The following ERICH6 variants were observed in gnomAD, a reference collection of about 807,000 sequenced individuals.
ERICH6 encodes glutamate rich 6.
ERICH6 carries 71 observed loss-of-function variants against 71.0 expected under a neutral mutation model. That is an observed-to-expected ratio of 1.00 (90% CI 0.83 to 1.22). ERICH6 has a LOEUF of 1.22. ERICH6 is among the 50% of genes most tolerant of loss of function. The pLI is 0.00. For missense variants in ERICH6, 808 were observed against 797.2 expected, an observed-to-expected ratio of 1.01 and a Z score of -0.16; for synonymous variants, 262 against 278.4, an observed-to-expected ratio of 0.94 and a Z score of 0.59.
intron 11 of ERICH6, among the ~76,000 whole-genome samples, chr3:150,671,244 T>C (rs1392950266): frequency 6.6e-6 from 1 of 152,226 alleles, no homozygotes; most frequent in Non-Finnish European, 1.5e-5. Flanking sequence ...GGCTTACTAT[T>C]GGGGTTTAAG....
At chr3:150,698,961 CAATT>C (rs1354396992) in intron 2 of ERICH6, 79 bp from the exon 3 acceptor site, 2 of 813,192 alleles carry the variant, frequency 2.5e-6, no homozygotes, top group African/African-American at 3.5e-5. Flanking sequence ...ATTTAATAAT[CAATT>C]AATTAATGCA....
chr3:150,665,497 C>A (rs1156292283), intron 13 of ERICH6, among the ~76,000 whole-genome samples: 1 of 103,852 alleles, frequency 9.6e-6, no homozygotes, highest in Middle Eastern at 0.01. Flanking sequence ...AGCCTGGCGA[C>A]GGAGAGAGAC....
chr3:150,661,069 C>T (rs1041800426), intron 13 of ERICH6, among the ~76,000 whole-genome samples: 1 of 152,136 alleles, frequency 6.6e-6, no homozygotes, highest in Non-Finnish European at 1.5e-5. Flanking sequence ...GATTTATCCC[C>T]CTGCCCCCAC....
rs573849367 is a variant in ERICH6, at chr3:150,665,385, G to A, written c.1728+1402C>T. Among the ~76,000 whole-genome samples, 3 of 151,944 alleles carry A rather than the reference G, an allele frequency of 2.0e-5. No homozygotes were observed. The East Asian group carries it at 5.8e-4, about 29-fold the overall frequency. ...ATCAATGAAACAGGCCTTACATGGT[G>A]GTGTGCCTGTAGTCCCAGCTATTTG... is the stretch of plus-strand genomic sequence containing the variant. On this transcript the variant is annotated intron_variant, in intron 13 of 13. Coordinates refer to ENST00000295910, the MANE Select transcript of ERICH6 (RefSeq NM_152394.5).
chr3:150,677,662 A>G (rs150630820), intron 10 of ERICH6, among the ~76,000 whole-genome samples: 2 of 151,930 alleles, frequency 1.3e-5, no homozygotes, highest in East Asian at 3.9e-4. Flanking sequence ...ATGCATGGCT[A>G]ATTTTTCTTT....
At position 150,680,498 on chromosome 3, in the gene ERICH6, A is replaced by G. The variant is rs752047559; in HGVS notation, c.1081T>C (p.Ser361Pro). 1.1e-5 allele frequency: 18 copies of G among 1,614,094 alleles called. No homozygotes were observed. In the East Asian group the frequency reaches 4.0e-4, roughly 36 times the overall value. Residue 361 changes from serine (S) to proline (P), a missense_variant, in exon 9 of 14, where the codon TCA becomes CCA. By Grantham distance (74) the Ser-to-Pro change is moderately conservative. Around this residue, in one of 3 missense-constraint regions of ERICH6, gnomAD observed 736 missense variants for 712.2 expected, o/e 1.03. Transcript: ENST00000295910. ...TCAGAGAAATGAGTCTGTTCCCTTG[A>G]TATTATTGCAAAATGTCTGGCCATT... ...QRMARHFAII[S>P]REQTHFSEDD...
chr3:150,685,752 A>C lies in ERICH6; in HGVS notation c.773T>G (p.Ile258Ser), dbSNP rs773696172. The C allele has an allele frequency of 4.3e-6, 7 of 1,611,804 alleles. No individual in the cohort carries two copies. The highest frequency in any genetic ancestry group is 5.9e-6 in the Non-Finnish European group (7 of 1,179,062). ...ATGAATTAAAGTCACCTTGAAGTTA[A>C]TGCCTAAATTGGAGCTCTCTTCTTT... Reference protein sequence around the residue: ...AYKEESSNLGINFKDEEEETS... With the variant: ...AYKEESSNLGSNFKDEEEETS... The change falls in exon 6 of 14, where the codon ATT becomes AGT. Residue 258 changes from isoleucine (I) to serine (S), a missense_variant. Physicochemically the swap from Ile to Ser is moderately radical, Grantham distance 142 (BLOSUM62 -2). Coordinates refer to ENST00000295910, the MANE Select transcript of ERICH6 (RefSeq NM_152394.5).
chr3:150,695,648 C>A (rs1712629518), intron 3 of ERICH6, among the ~76,000 whole-genome samples: 1 of 152,028 alleles, frequency 6.6e-6, no homozygotes, highest in Admixed American at 6.6e-5. Context: ...AGCCTGGCGA[C>A]AGAGCGAGAC....
At chr3:150,675,460 T>C (rs915705427) in intron 10 of ERICH6, among the ~76,000 whole-genome samples, 2 of 152,162 alleles carry the variant, frequency 1.3e-5, no homozygotes, top group Non-Finnish European at 1.5e-5. Flanking sequence ...GTGATTTTCC[T>C]GCCTCAGCCT....
chr3:150,687,226 A>G (rs1290554602), intron 3 of ERICH6, among the ~76,000 whole-genome samples: 1 of 152,240 alleles, frequency 6.6e-6, no homozygotes. Context: ...AGTGAATCCA[A>G]CGACAAAGAG....
At chr3:150,674,153 T>C in intron 10 of ERICH6, 112 bp from the exon 11 acceptor site, 1 of 820,206 alleles carries the variant, frequency 1.2e-6, no homozygotes, top group Non-Finnish European at 1.9e-6. Flanking sequence ...CAATTATTAA[T>C]TTAAATGTTG....
At chr3:150,676,186 C>T (rs1301286879) in intron 10 of ERICH6, among the ~76,000 whole-genome samples, 1 of 151,892 alleles carries the variant, frequency 6.6e-6, no homozygotes, top group African/African-American at 2.4e-5. Context: ...TCTTCCTGGG[C>T]AGTAGTTCTT....
intron 13 of ERICH6, among the ~76,000 whole-genome samples, chr3:150,661,316 T>C (rs147143954): frequency 6.6e-6 from 1 of 152,336 alleles, no homozygotes; most frequent in Non-Finnish European, 1.5e-5. Flanking sequence ...CACCTTTTCC[T>C]TTTTGTGTTG....
intron 6 of ERICH6, 100 bp downstream of exon 6, chr3:150,685,642 T>C: frequency 9.6e-7 from 1 of 1,045,570 alleles, no homozygotes; most frequent in East Asian, 2.5e-5. Context: ...CTTTTTTTTT[T>C]TTTCCTTTTA....
chr3:150,688,042 CAGG>C (rs1213424518), intron 3 of ERICH6, among the ~76,000 whole-genome samples: 2 of 152,066 alleles, frequency 1.3e-5, no homozygotes, highest in African/African-American at 4.8e-5. Flanking sequence ...ATTGCTGGAG[CAGG>C]AGGTTGAGGC....
rs1193020305 is a variant in ERICH6 at position 150,660,058 on chromosome 3, T to G, written c.1826A>C (p.Lys609Thr). 1.9e-6 allele frequency: 3 copies of G among 1,614,168 alleles called. No homozygotes were observed. The highest frequency in any genetic ancestry group is 2.5e-6 in the Non-Finnish European group (3 of 1,180,042). Residue 609 changes from lysine (K) to threonine (T), a missense_variant, in exon 14 of 14, where the codon AAA (lysine) becomes ACA (threonine). Lys to Thr is a moderately conservative substitution (Grantham distance 78). Around this residue, in one of 3 missense-constraint regions of ERICH6, gnomAD observed 736 missense variants for 712.2 expected, o/e 1.03. Coordinates refer to ENST00000295910, the MANE Select transcript of ERICH6 (RefSeq NM_152394.5). ...SLIKIRRLFH[K>T]LEGCVNFPSS... The stretch of plus-strand genomic sequence containing the variant: ...GGGAAAATTCACACATCCTTCAAGT[T>G]TATGAAACAGGCGACGGATCTTTAT...
chr3:150,674,348 GC>G (rs540586892), intron 10 of ERICH6, among the ~76,000 whole-genome samples: 87 of 150,604 alleles, frequency 5.8e-4, no homozygotes, highest in African/African-American at 1.8e-3. Flanking sequence ...ATAAAAACCA[GC>G]CCCAGCACAA....
intron 13 of ERICH6, among the ~76,000 whole-genome samples, chr3:150,662,744 A>G (rs748941974): frequency 1.4e-4 from 21 of 151,880 alleles, no homozygotes; most frequent in Admixed American, 7.9e-4. Context: ...CAAATGACCA[A>G]AGAGGCACTC....
intron 10 of ERICH6, among the ~76,000 whole-genome samples, chr3:150,675,512 C>T (rs1459843022): frequency 6.6e-6 from 1 of 152,126 alleles, no homozygotes; most frequent in Non-Finnish European, 1.5e-5. Flanking sequence ...CCACGCCTGG[C>T]TAATCTTTGT....
Sources: allele counts gnomAD v4.1 joint callset (sites outside exome capture counted in the v4.1 genomes callset), GRCh38; gene constraint gnomAD v4.1.1; regional missense constraint gnomAD v4.1.1; transcripts MANE v1.5; gene names NCBI Gene and HGNC (gene_info 2026-07-23, HGNC 2026-07-21).